NPAS3: variants seen among roughly 807,000 people sequenced by gnomAD.
The protein encoded by NPAS3 is neuronal PAS domain-containing protein 3.
Under a neutral mutation model 73.1 loss-of-function variants are expected in NPAS3, and 14 were observed. The observed-to-expected ratio is 0.19, with a 90% CI of 0.13 to 0.30. The LOEUF (loss-of-function observed/expected upper bound fraction) is 0.30, where lower values mean the gene tolerates loss of function less well. Ranked by LOEUF, NPAS3 falls within the 10% of genes least tolerant of loss-of-function variation. NPAS3 has a pLI of 1.00. For synonymous variants in NPAS3, 620 were observed against 541.5 expected (o/e 1.14, Z -2.01); for missense variants, 1,096 against 1,250.0 (o/e 0.88, Z 1.86).
At chr14:33,388,020 G>T (rs2046842307) in intron 4 of NPAS3, among the ~76,000 whole-genome samples, 3 of 152,140 alleles carry the variant, frequency 2.0e-5, no homozygotes, top group Non-Finnish European at 4.4e-5. Context: ...TAGAATGAGA[G>T]GAGGTGCCAT....
chr14:33,292,398 C>A (rs569521447), intron 3 of NPAS3, among the ~76,000 whole-genome samples: 2 of 152,296 alleles, frequency 1.3e-5, no homozygotes, highest in South Asian at 2.1e-4. Context: ...GACACGTGAA[C>A]TCCCTTCAGT....
At chr14:33,070,733 G>C (rs902399265) in intron 2 of NPAS3, among the ~76,000 whole-genome samples, 13 of 152,184 alleles carry the variant, frequency 8.5e-5, no homozygotes, top group Non-Finnish European at 1.8e-4. Flanking sequence ...CTGTATTCAT[G>C]TACTGCTGGA....
At chr14:33,292,247 C>T (rs1161835595) in intron 3 of NPAS3, among the ~76,000 whole-genome samples, 1 of 152,146 alleles carries the variant, frequency 6.6e-6, no homozygotes, top group Non-Finnish European at 1.5e-5. Flanking sequence ...AAACATGGCT[C>T]CCTCTGCAAA....
At chr14:33,266,351 C>T (rs1328345101) in intron 3 of NPAS3, among the ~76,000 whole-genome samples, 1 of 152,128 alleles carries the variant, frequency 6.6e-6, no homozygotes, top group East Asian at 1.9e-4. Flanking sequence ...AATTATCCTT[C>T]TTGTAGGAGA....
intron 4 of NPAS3, among the ~76,000 whole-genome samples, chr14:33,484,468 A>G (rs1362361083): frequency 2.0e-5 from 3 of 152,204 alleles, no homozygotes; most frequent in African/African-American, 7.2e-5. Flanking sequence ...GTTGACAGGA[A>G]GCACTCAGTA....
At chr14:33,109,067 A>G (rs531114255) in intron 2 of NPAS3, among the ~76,000 whole-genome samples, 78 of 152,272 alleles carry the variant, frequency 5.1e-4, no homozygotes, top group African/African-American at 1.7e-3. Context: ...TATTCCTAGT[A>G]ATAATAAAGA....
At chr14:33,769,216 C>A (rs1313007584) in intron 7 of NPAS3, among the ~76,000 whole-genome samples, 1 of 152,116 alleles carries the variant, frequency 6.6e-6, no homozygotes, top group Non-Finnish European at 1.5e-5. Flanking sequence ...ATTATCACCT[C>A]CAGGAAGAAA....
intron 3 of NPAS3, among the ~76,000 whole-genome samples, chr14:33,298,910 A>G (rs2042413456): frequency 6.6e-6 from 1 of 152,216 alleles, no homozygotes; most frequent in Non-Finnish European, 1.5e-5. Flanking sequence ...ACCACATCCT[A>G]TAATGGTGAC....
chr14:32,952,804 C>A (rs1402724657), intron 1 of NPAS3, among the ~76,000 whole-genome samples: 1 of 152,064 alleles, frequency 6.6e-6, no homozygotes, highest in Non-Finnish European at 1.5e-5. Context: ...ATACCTGTGG[C>A]TCATGCTTGT....
intron 2 of NPAS3, among the ~76,000 whole-genome samples, chr14:33,067,138 C>T (rs557569585): frequency 7.0e-4 from 106 of 152,360 alleles, no homozygotes; most frequent in Non-Finnish European, 1.1e-3. Context: ...TGTGGCCCAG[C>T]ACTTCTTCCC....
intron 1 of NPAS3, among the ~76,000 whole-genome samples, chr14:33,004,740 T>A (rs1039426282): frequency 6.8e-6 from 1 of 147,148 alleles, no homozygotes; most frequent in South Asian, 2.2e-4. Flanking sequence ...AAAACATAAA[T>A]ACATTGTACA....
intron 3 of NPAS3, among the ~76,000 whole-genome samples, chr14:33,253,847 A>G (rs561880299): frequency 2.9e-4 from 44 of 152,062 alleles, no homozygotes; most frequent in African/African-American, 9.6e-4. Flanking sequence ...GTTCAACTCT[A>G]TTGTGCATTT....
At chr14:32,947,110 GCATTTT>G (rs1472571948) in intron 1 of NPAS3, among the ~76,000 whole-genome samples, 1 of 151,950 alleles carries the variant, frequency 6.6e-6, no homozygotes, top group African/African-American at 2.4e-5. Flanking sequence ...ATGAACTAGG[GCATTTT>G]CATTTGTAAG....
chr14:33,226,311 T>C (rs1286387841), intron 3 of NPAS3, among the ~76,000 whole-genome samples: 3 of 152,184 alleles, frequency 2.0e-5, no homozygotes, highest in South Asian at 4.1e-4. Context: ...TCAGTTTAGG[T>C]TAATTAATAG....
intron 2 of NPAS3, among the ~76,000 whole-genome samples, chr14:33,174,856 T>C (rs2045526892): frequency 6.6e-6 from 1 of 152,136 alleles, no homozygotes; most frequent in Non-Finnish European, 1.5e-5. Flanking sequence ...ATGGCGGGAT[T>C]TGAAGTGGTG....
At chr14:33,687,393 G>A (rs2060120016) in intron 6 of NPAS3, among the ~76,000 whole-genome samples, 1 of 152,156 alleles carries the variant, frequency 6.6e-6, no homozygotes, top group Non-Finnish European at 1.5e-5. Flanking sequence ...GCTAGCCAGT[G>A]CCTCTCACTC....
chr14:33,579,105 G>C (rs973738943), intron 5 of NPAS3, among the ~76,000 whole-genome samples: 1 of 152,164 alleles, frequency 6.6e-6, no homozygotes, highest in Non-Finnish European at 1.5e-5. Flanking sequence ...TCCTAATGAG[G>C]TAGATTCTGC....
At chr14:33,509,968 A>G (rs1429329338) in intron 4 of NPAS3, among the ~76,000 whole-genome samples, 1 of 151,972 alleles carries the variant, frequency 6.6e-6, no homozygotes, top group Non-Finnish European at 1.5e-5. Context: ...TCTACCCTCC[A>G]AAGCTTTTAT....
intron 3 of NPAS3, among the ~76,000 whole-genome samples, chr14:33,315,436 G>A (rs371038550): frequency 3.3e-5 from 5 of 151,924 alleles, no homozygotes; most frequent in Admixed American, 6.6e-5. Flanking sequence ...TGGTAAGCAG[G>A]TGAGAGAGTA....
Sources: gnomAD v4.1 joint callset for allele counts (sites outside exome capture counted in the v4.1 genomes callset) on GRCh38, gnomAD v4.1.1 for gene constraint, MANE v1.5 for transcripts, NCBI Gene and HGNC (gene_info 2026-07-23, HGNC 2026-07-21) for gene names.